The following HHIPL2 variants were observed in gnomAD, a reference collection of about 807,000 sequenced individuals.
HHIPL2 encodes HHIP like 2, also known as HHIP-like protein 2.
In HHIPL2, 61 loss-of-function variants were observed where a neutral mutation model predicts 61.0. That is an observed-to-expected ratio of 1.00 (90% confidence interval 0.81 to 1.24). The LOEUF (loss-of-function observed/expected upper bound fraction) is 1.24, where lower values mean the gene tolerates loss of function less well. Ranked by LOEUF, HHIPL2 falls within the 50% of genes most tolerant of loss-of-function variation. The probability of loss-of-function intolerance (pLI) is 0.00; values close to 1 mark genes in which losing one functional copy is unlikely to be tolerated. For missense variants in HHIPL2, 885 were observed against 910.2 expected, an observed-to-expected ratio of 0.97 and a Z score of 0.36; for synonymous variants, 343 against 357.4, an observed-to-expected ratio of 0.96 and a Z score of 0.45.
In HHIPL2 at chr1:222,529,720, CA is replaced by C. The variant is rs571907067; in HGVS notation, c.1723+2245del. Among the ~76,000 whole-genome samples the C allele has an allele frequency of 2.0e-3, 307 of 152,304 alleles. 1 individual carries two copies. Among genetic ancestry groups the C allele is most frequent in the African/African-American group, 5.8e-3 (239 of 41,560 alleles). On this transcript the variant is annotated intron_variant, in intron 6 of 8. Transcript: ENST00000343410. ...GACCAGCCCTCTTGGGAATGCCCTT[CA>C]GTGACTAACTTTCAGAAATCCCATC...
At chr1:222,542,426 C>G (rs1390084055) in intron 2 of HHIPL2, among the ~76,000 whole-genome samples, 1 of 151,408 alleles carries the variant, frequency 6.6e-6, no homozygotes, top group African/African-American at 2.4e-5. Context: ...TGCTGTGGTG[C>G]AATCTCACCT....
intron 6 of HHIPL2, among the ~76,000 whole-genome samples, chr1:222,527,766 G>C (rs1659100649): frequency 6.6e-6 from 1 of 152,140 alleles, no homozygotes; most frequent in African/African-American, 2.4e-5. Context: ...TCTCCTGGTA[G>C]TGAATAAGTC....
intron 2 of HHIPL2, 60 bp from the exon 3 acceptor site, chr1:222,542,215 T>C: frequency 6.3e-7 from 1 of 1,581,228 alleles, no homozygotes; most frequent in Admixed American, 1.9e-5. Context: ...CTGCATCCTC[T>C]TGAGATACCC....
chr1:222,526,760 C>T (rs1659076075), intron 7 of HHIPL2, among the ~76,000 whole-genome samples: 2 of 148,058 alleles, frequency 1.4e-5, no homozygotes, highest in Admixed American at 1.3e-4. Flanking sequence ...TAGAAAGGCT[C>T]AAGGTCTTCA....
At chr1:222,531,041 C>G (rs1340916090) in intron 6 of HHIPL2, among the ~76,000 whole-genome samples, 1 of 152,160 alleles carries the variant, frequency 6.6e-6, no homozygotes, top group Non-Finnish European at 1.5e-5. Flanking sequence ...TGTATTAGAG[C>G]TGAGTCTCTC....
chr1:222,529,134 C>T (rs888260582), intron 6 of HHIPL2, among the ~76,000 whole-genome samples: 10 of 152,256 alleles, frequency 6.6e-5, no homozygotes, highest in Non-Finnish European at 1.5e-4. Flanking sequence ...TAAACAACTG[C>T]TTTTTGTGGA....
At chr1:222,535,301 T>C (rs1205616405) in intron 5 of HHIPL2, among the ~76,000 whole-genome samples, 1 of 152,122 alleles carries the variant, frequency 6.6e-6, no homozygotes. Flanking sequence ...ATAGACCCCA[T>C]TGACAAGAAA....
chr1:222,543,479 C>A (rs1558132498), intron 2 of HHIPL2, 58 bp downstream of exon 2: 7 of 1,483,038 alleles, frequency 4.7e-6, no homozygotes, highest in Non-Finnish European at 5.5e-6. Flanking sequence ...TCTCGCAGAC[C>A]TGGTTGGCAT....
At position 222,538,222 on chromosome 1, in the gene HHIPL2, G is replaced by A. The variant is rs796987787; in HGVS notation, c.1577+426C>T. Among the ~76,000 whole-genome samples, 51 of 150,436 alleles carry A rather than the reference G, an allele frequency of 3.4e-4. 1 individual carries two copies. In the South Asian group the frequency reaches 0.011, roughly 31 times the overall value. ...TGTGTGTGTGTGTGTGTGTGTGTGTGTGTGTGTGTGTGTGTGTGTGTGTGT... is the reference window on the plus strand; with the variant it reads ...TGTGTGTGTGTGTGTGTGTGTGTGTATGTGTGTGTGTGTGTGTGTGTGTGT... On this transcript the variant is annotated intron_variant, in intron 5 of 8. Transcript: ENST00000343410.
At position 222,524,558 on chromosome 1, in the gene HHIPL2, C is replaced by T. The variant is rs114715543; in HGVS notation, c.1806-864G>A. On this transcript the variant is annotated intron_variant, in intron 7 of 8. Coordinates refer to ENST00000343410, the MANE Select transcript of HHIPL2 (RefSeq NM_024746.4). ...ATTTTACAGAGGGGAAACTGAGGCT[C>T]GCACAGGCTAAGAAACAGGCCCAAG... 6.2e-3 allele frequency among the ~76,000 whole-genome samples: 949 copies of T among 152,328 alleles called. 8 individuals carry two copies. The highest frequency in any genetic ancestry group is 0.021 in the African/African-American group (877 of 41,576).
rs769400522 is a variant in HHIPL2, at chr1:222,543,628, A to G, written c.883T>C (p.Cys295Arg). 2 of 1,614,128 alleles carry G rather than the reference A, an allele frequency of 1.2e-6. No individual in the cohort carries two copies. The highest frequency in any genetic ancestry group is 2.2e-5 in the East Asian group (1 of 44,872). Reference sequence around the variant, plus strand: ...TTTTCTACCTTCTTCTTGTCCAGGCACGAATAATAAATATAGAACTTGCGA... The same window carrying G: ...TTTTCTACCTTCTTCTTGTCCAGGCGCGAATAATAAATATAGAACTTGCGA... ...HNRKFYIYYS[C>R]LDKKKVEKIR... The change falls in exon 2 of 9, where the codon TGC becomes CGC. Residue 295 changes from cysteine (C) to arginine (R), a missense_variant. Coordinates refer to ENST00000343410, the MANE Select transcript of HHIPL2 (RefSeq NM_024746.4).
At chr1:222,546,694 A>G (rs1269836007) in intron 1 of HHIPL2, among the ~76,000 whole-genome samples, 3 of 152,188 alleles carry the variant, frequency 2.0e-5, no homozygotes, top group African/African-American at 7.2e-5. Context: ...GGTGTCTAAG[A>G]GGACAGCCCC....
chr1:222,532,350 A>T (rs766797856), intron 5 of HHIPL2, among the ~76,000 whole-genome samples: 7 of 152,194 alleles, frequency 4.6e-5, no homozygotes, highest in Non-Finnish European at 8.8e-5. Context: ...CCAGTGGCTC[A>T]CACCTGTAAT....
At chr1:222,547,700 G>A in intron 1 of HHIPL2, 24 bp downstream of exon 1, 1 of 1,598,976 alleles carries the variant, frequency 6.3e-7, no homozygotes, top group South Asian at 1.1e-5. Context: ...CAAACCCCTG[G>A]GGCTGGAAGG....
At chr1:222,528,827 T>TC (rs1390338190) in intron 6 of HHIPL2, among the ~76,000 whole-genome samples, 1 of 150,314 alleles carries the variant, frequency 6.7e-6, no homozygotes, top group Non-Finnish European at 1.5e-5. Context: ...CTAATTTTTT[T>TC]TTTTTTTTTT....
intron 7 of HHIPL2, chr1:222,524,985 T>C (rs1439205932): frequency 1.3e-5 from 2 of 152,124 alleles, no homozygotes; most frequent in Non-Finnish European, 2.9e-5. Flanking sequence ...AGAGTGAGGA[T>C]GTTAACCTGC....
At position 222,548,082 on chromosome 1, in the gene HHIPL2, A is replaced by G; in HGVS notation, c.-38T>C. ...AACACTCGGGCTGCTGTGTTTGCTC[A>G]GGTTGGCTTCCCTGCTCTGCCCAAG... On this transcript the variant is annotated 5_prime_UTR_variant, in exon 1 of 9. Coordinates refer to ENST00000343410, the MANE Select transcript of HHIPL2 (RefSeq NM_024746.4). The G allele has an allele frequency of 6.8e-7, 1 of 1,467,054 alleles. No individual in the cohort carries two copies. Among genetic ancestry groups the G allele is most frequent in the Non-Finnish European group, 9.2e-7 (1 of 1,084,674 alleles). 90.9% of individuals were successfully genotyped at this position (1,467,054 alleles called of 1,614,324 possible). A position where few individuals can be genotyped will look rare whatever the true frequency, so the allele number is the denominator to read the frequency against.
rs375833618 is a variant in HHIPL2 at position 222,544,861 on chromosome 1, A to G, written c.322-672T>C. Among the ~76,000 whole-genome samples the G allele has an allele frequency of 3.3e-5, 5 of 152,376 alleles. No homozygotes were observed. In the South Asian group the frequency reaches 8.3e-4, roughly 25 times the overall value. ...AGTTATCAGAATTGACATTGGATGT[A>G]TCACTCTCAGAGATTAGGTGTTTAG... On this transcript the variant is annotated intron_variant, in intron 1 of 8. Transcript: ENST00000343410.
intron 7 of HHIPL2, chr1:222,524,356 G>C (rs1659017805): frequency 6.6e-6 from 1 of 152,258 alleles, no homozygotes; most frequent in African/African-American, 2.4e-5. Flanking sequence ...CCTCTGCCTT[G>C]CTCCAACTCT....
Sources: allele counts gnomAD v4.1 joint callset (sites outside exome capture counted in the v4.1 genomes callset), GRCh38; gene constraint gnomAD v4.1.1; transcripts MANE v1.5; gene names NCBI Gene and HGNC (gene_info 2026-07-23, HGNC 2026-07-21).